ANKS1A: variants seen among roughly 807,000 people sequenced by gnomAD.
ANKS1A encodes the protein ankyrin repeat and SAM domain-containing protein 1A.
In ANKS1A, 55 loss-of-function variants were observed where a neutral mutation model predicts 120.3. That is an observed-to-expected ratio of 0.46 (90% CI 0.37 to 0.57). The LOEUF (loss-of-function observed/expected upper bound fraction) is 0.57. ANKS1A is among the 20% of genes least tolerant of loss of function. The probability of loss-of-function intolerance (pLI) is 0.00; values close to 1 mark genes in which losing one functional copy is unlikely to be tolerated. For missense variants in ANKS1A, 1,123 were observed against 1,480.3 expected (o/e 0.76, Z 3.96); for synonymous variants, 590 against 604.7 (o/e 0.98, Z 0.36).
chr6:34,933,194 G>A (rs986923829), intron 1 of ANKS1A, among the ~76,000 whole-genome samples: 8 of 152,314 alleles, frequency 5.3e-5, no homozygotes, highest in Non-Finnish European at 1.2e-4. Context: ...AGTTGTATGA[G>A]TAGTTCCTCT....
chr6:35,072,339 T>G (rs1205149963), intron 13 of ANKS1A, among the ~76,000 whole-genome samples: 1 of 152,210 alleles, frequency 6.6e-6, no homozygotes, highest in African/African-American at 2.4e-5. Flanking sequence ...TTCTGCATCT[T>G]CAGGTGGAGC....
At chr6:34,934,582 C>T (rs929715822) in intron 1 of ANKS1A, among the ~76,000 whole-genome samples, 1 of 152,216 alleles carries the variant, frequency 6.6e-6, no homozygotes, top group Non-Finnish European at 1.5e-5. Context: ...TATCAGTTTT[C>T]TCATTTGAAG....
intron 20 of ANKS1A, 108 bp downstream of exon 20, chr6:35,083,611 C>G (rs1747515): frequency 9.7e-7 from 1 of 1,029,202 alleles, no homozygotes; most frequent in Non-Finnish European, 1.5e-6. Context: ...TCTTATCTCC[C>G]TAGAGGGTCC....
chr6:34,976,363 C>T (rs1771584850), intron 3 of ANKS1A, among the ~76,000 whole-genome samples: 1 of 151,996 alleles, frequency 6.6e-6, no homozygotes, highest in South Asian at 2.1e-4. Context: ...CATTTGGGGC[C>T]TTTTTCAACA....
chr6:35,089,153 T>C lies in ANKS1A; in HGVS notation c.*544T>C, dbSNP rs894200576. On this transcript the variant is annotated 3_prime_UTR_variant, in exon 24 of 24. Coordinates refer to ENST00000360359, the MANE Select transcript of ANKS1A (RefSeq NM_015245.3). ...TGCGTCTGCTTTTCAAACCCAACCATATCAGCTGCTGCTCTTTATGAACTG... is the reference window on the plus strand; with the variant it reads ...TGCGTCTGCTTTTCAAACCCAACCACATCAGCTGCTGCTCTTTATGAACTG... 1.7e-5 allele frequency: 17 copies of C among 1,004,124 alleles called. No homozygotes were observed. Among genetic ancestry groups the C allele is most frequent in the Non-Finnish European group, 2.0e-5 (17 of 839,504 alleles). 62.2% of individuals were successfully genotyped at this position (1,004,124 alleles called of 1,614,324 possible).
chr6:35,014,903 A>G lies in ANKS1A; in HGVS notation c.1424-2570A>G, dbSNP rs1311141197. ...CCATCAGCTTCTCCTAGGAAGTACT[A>G]TTGACCTGAACCACATTAAATGGTC... On this transcript the variant is annotated intron_variant, in intron 10 of 23. Transcript: ENST00000360359. Among the ~76,000 whole-genome samples, 8 of 152,308 alleles carry G rather than the reference A, an allele frequency of 5.3e-5. No homozygotes were observed. In the East Asian group the frequency reaches 9.6e-4, roughly 18 times the overall value.
chr6:35,010,576 G>A (rs1379135272), intron 10 of ANKS1A, among the ~76,000 whole-genome samples: 5 of 152,220 alleles, frequency 3.3e-5, no homozygotes, highest in Admixed American at 1.3e-4. Context: ...CTTTATTCTA[G>A]GTGGCTGTGA....
At chr6:35,006,382 T>C (rs1051463419) in intron 10 of ANKS1A, among the ~76,000 whole-genome samples, 22 of 152,028 alleles carry the variant, frequency 1.4e-4, no homozygotes, top group Admixed American at 1.4e-3. Flanking sequence ...TTGGATTGTT[T>C]GTAACATAAA....
chr6:34,962,264 A>C (rs2127502061), intron 1 of ANKS1A, among the ~76,000 whole-genome samples: 1 of 152,336 alleles, frequency 6.6e-6, no homozygotes, highest in Non-Finnish European at 1.5e-5. Context: ...GATGTCCCTC[A>C]GGCTCCTCAC....
intron 10 of ANKS1A, among the ~76,000 whole-genome samples, chr6:34,996,516 A>G (rs1772861449): frequency 6.6e-6 from 1 of 151,290 alleles, no homozygotes; most frequent in Non-Finnish European, 1.5e-5. Flanking sequence ...CTCTGTCACC[A>G]GGCTGGAGTG....
At chr6:34,920,209 G>T (rs966663339) in intron 1 of ANKS1A, among the ~76,000 whole-genome samples, 2 of 151,296 alleles carry the variant, frequency 1.3e-5, no homozygotes, top group South Asian at 2.1e-4. Flanking sequence ...AGTTTTTTTT[G>T]TTGTTTTTCT....
intron 11 of ANKS1A, among the ~76,000 whole-genome samples, chr6:35,047,723 A>G (rs563611610): frequency 6.6e-6 from 1 of 152,280 alleles, no homozygotes; most frequent in Admixed American, 6.5e-5. Context: ...AGGTCTCCCA[A>G]CTTTTTTATT....
Position 34,932,840 on chromosome 6 carries a change from A to G in ANKS1A, c.198-34399A>G, listed in dbSNP as rs973496759. 1.3e-4 allele frequency among the ~76,000 whole-genome samples: 20 copies of G among 152,290 alleles called. No homozygotes were observed. The East Asian group carries it at 2.9e-3, about 22-fold the overall frequency. On this transcript the variant is annotated intron_variant, in intron 1 of 23. Transcript: ENST00000360359. ...CATATACAAAGTTTTGTGTAGACCTATGCTTTCATTTCTCTTGGAGTGAAT... is the reference window on the plus strand; with the variant it reads ...CATATACAAAGTTTTGTGTAGACCTGTGCTTTCATTTCTCTTGGAGTGAAT...
chr6:35,015,687 C>T (rs1042916606), intron 10 of ANKS1A, among the ~76,000 whole-genome samples: 4 of 151,962 alleles, frequency 2.6e-5, no homozygotes, highest in Admixed American at 6.6e-5. Flanking sequence ...GGAGAGGGGG[C>T]GATGGGAGAA....
intron 1 of ANKS1A, among the ~76,000 whole-genome samples, chr6:34,944,882 C>T (rs1769711032): frequency 6.6e-6 from 1 of 152,142 alleles, no homozygotes; most frequent in Non-Finnish European, 1.5e-5. Flanking sequence ...TCTTTTCATT[C>T]TCTTAACTGT....
intron 1 of ANKS1A, among the ~76,000 whole-genome samples, chr6:34,962,285 C>T (rs988808164): frequency 6.6e-6 from 1 of 152,228 alleles, no homozygotes. Context: ...CTTGTCTTCA[C>T]CATCCTTAGT....
chr6:34,919,982 C>A (rs1768351074), intron 1 of ANKS1A, among the ~76,000 whole-genome samples: 1 of 152,074 alleles, frequency 6.6e-6, no homozygotes, highest in Non-Finnish European at 1.5e-5. Flanking sequence ...TTTCTACCCA[C>A]TTCTAGATGG....
At chr6:34,965,077 A>G (rs1170438440) in intron 1 of ANKS1A, among the ~76,000 whole-genome samples, 1 of 152,142 alleles carries the variant, frequency 6.6e-6, no homozygotes, top group African/African-American at 2.4e-5. Context: ...ATAGCTCTCT[A>G]TCTGTGTAGG....
Position 35,088,671 on chromosome 6 carries a change from C to A in ANKS1A, c.*62C>A. The stretch of plus-strand genomic sequence containing the variant: ...ACGTGGGGGCATAGGCTCCCACTGC[C>A]ACCACCGCCATCGCCTCACCTGCAG... On this transcript the variant is annotated 3_prime_UTR_variant, in exon 24 of 24. Transcript: ENST00000360359. 1 of 1,613,224 alleles carries A rather than the reference C, an allele frequency of 6.2e-7. No individual in the cohort carries two copies. The highest frequency in any genetic ancestry group is 2.2e-5 in the East Asian group (1 of 44,852).
Sources: allele counts gnomAD v4.1 joint callset (sites outside exome capture counted in the v4.1 genomes callset), GRCh38; gene constraint gnomAD v4.1.1; transcripts MANE v1.5; gene names NCBI Gene and HGNC (gene_info 2026-07-23, HGNC 2026-07-21).